Variants in CCDC122 observed in about 807,000 individuals in gnomAD.
The protein encoded by CCDC122 is coiled-coil domain-containing protein 122.
In CCDC122, 38 loss-of-function variants were observed where a neutral mutation model predicts 37.0. The observed-to-expected ratio is 1.03, with a 90% CI of 0.79 to 1.35. The LOEUF is 1.35. Ranked by LOEUF, CCDC122 falls within the 40% of genes most tolerant of loss-of-function variation. The pLI is 0.00. For synonymous variants in CCDC122, 83 were observed against 95.6 expected (o/e 0.87, Z 0.77); for missense variants, 305 against 310.0 (o/e 0.98, Z 0.12).
At chr13:43,847,277 G>A (rs1953574252) in intron 6 of CCDC122, among the ~76,000 whole-genome samples, 1 of 152,138 alleles carries the variant, frequency 6.6e-6, no homozygotes. Context: ...AGGGGTTTGT[G>A]TTTGTGTGTA....
rs1410516137 is a variant in CCDC122 at position 43,868,791 on chromosome 13, G to A, written c.59C>T (p.Thr20Ile). 2.7e-6 allele frequency: 4 copies of A among 1,505,396 alleles called. No individual in the cohort carries two copies. The highest frequency in any genetic ancestry group is 2.8e-5 in the African/African-American group (2 of 70,242). 93.3% of individuals were successfully genotyped at this position (1,505,396 alleles called of 1,614,324 possible). A position where few individuals can be genotyped will look rare whatever the true frequency, so the allele number is the denominator to read the frequency against. The change falls in exon 4 of 7, where the codon ACA (threonine) becomes ATA (isoleucine). Residue 20 changes from threonine to isoleucine, a missense_variant. By Grantham distance (89) the Thr-to-Ile change is moderately conservative (BLOSUM62 -1). Transcript: ENST00000444614. ...CTCTACAGCATCAGCTAATGAACTT[G>A]TGTCTTGGTTATCTACAATTAGACA... ...QGFPKEDNQD[T>I]SSLADAVEKV... is the part of the protein sequence containing the mutation.
At position 43,859,592 on chromosome 13, in the gene CCDC122, C is replaced by T. The variant is rs568261063; in HGVS notation, c.555+80G>A. The stretch of plus-strand genomic sequence containing the variant: ...AGCTATGGGCATTTTATTAACTTCA[C>T]AATAAATTTATCATTTAATGTATGT... On this transcript the variant is annotated intron_variant, in intron 5 of 6. Coordinates refer to ENST00000444614, the MANE Select transcript of CCDC122 (RefSeq NM_144974.5). 6.2e-6 allele frequency: 7 copies of T among 1,124,420 alleles called. 1 individual carries two copies. The East Asian group carries it at 1.3e-4, about 22-fold the overall frequency. The allele number at this position is 1,124,420 out of a possible 1,614,324, so 69.7% of individuals were successfully genotyped here. A position where few individuals can be genotyped will look rare whatever the true frequency, so the allele number is the denominator to read the frequency against.
At position 43,869,351 on chromosome 13, in the gene CCDC122, CTCTT is replaced by C; in HGVS notation, c.22_25del (p.Lys8ValfsTer15). 9 of 1,608,428 alleles carry C rather than the reference CTCTT, an allele frequency of 5.6e-6. No homozygotes were observed. Among genetic ancestry groups the C allele is most frequent in the Non-Finnish European group, 7.6e-6 (9 of 1,176,602 alleles). ...ATTACCTTCTTTAGGAAATCCTTGA[CTCTT>C]CCTTTCTTTGTTGTCTGACATTTTC... On this transcript the variant is annotated frameshift_variant, in exon 3 of 7. Coordinates refer to ENST00000444614, the MANE Select transcript of CCDC122 (RefSeq NM_144974.5). LOFTEE classifies it high-confidence loss of function.
At chr13:43,833,281 C>T (rs1953107737), downstream of CCDC122, among the ~76,000 whole-genome samples, 1 of 152,024 alleles carries the variant, frequency 6.6e-6, no homozygotes, top group African/African-American at 2.4e-5. Context: ...TTTTACTGAC[C>T]ATTTAGGTAA....
chr13:43,863,267 G>C (rs1389198183), intron 4 of CCDC122, among the ~76,000 whole-genome samples: 7 of 151,920 alleles, frequency 4.6e-5, no homozygotes, highest in Non-Finnish European at 1.0e-4. Flanking sequence ...TATATAAATA[G>C]AATCATTTAA....
At chr13:43,847,555 G>A (rs1237570982) in intron 6 of CCDC122, among the ~76,000 whole-genome samples, 1 of 152,106 alleles carries the variant, frequency 6.6e-6, no homozygotes, top group Non-Finnish European at 1.5e-5. Flanking sequence ...CTAAAACTTT[G>A]TAAGACATGT....
At chr13:43,858,185 G>A (rs1232720850) in intron 6 of CCDC122, 1 of 152,074 alleles carries the variant, frequency 6.6e-6, no homozygotes, top group Non-Finnish European at 1.5e-5. Flanking sequence ...CCAAATTAAT[G>A]TATTCAGGCA....
At chr13:43,879,140 G>C (rs1273579025) in intron 1 of CCDC122, 1 of 152,162 alleles carries the variant, frequency 6.6e-6, no homozygotes. Context: ...ATTAGCAGAA[G>C]GGAGACTGCG....
At chr13:43,876,048 G>C (rs1241885567) in intron 1 of CCDC122, among the ~76,000 whole-genome samples, 2 of 152,168 alleles carry the variant, frequency 1.3e-5, no homozygotes, top group Non-Finnish European at 2.9e-5. Context: ...AAGTCACTTA[G>C]CCCCTAGGCA....
chr13:43,821,312 CT>C (rs1952991084), downstream of CCDC122, among the ~76,000 whole-genome samples: 1 of 152,216 alleles, frequency 6.6e-6, no homozygotes, highest in African/African-American at 2.4e-5. Context: ...CAACCTCCAC[CT>C]CCCAAGTTTA....
intron 6 of CCDC122, 130 bp downstream of exon 6, chr13:43,858,651 T>C: frequency 1.6e-6 from 1 of 615,548 alleles, no homozygotes; most frequent in South Asian, 3.4e-5. Context: ...TTGTATTTAC[T>C]AAATTTTATA....
chr13:43,870,567 G>C (rs1256152191), intron 2 of CCDC122, among the ~76,000 whole-genome samples: 1 of 151,750 alleles, frequency 6.6e-6, no homozygotes, highest in African/African-American at 2.4e-5. Flanking sequence ...TACTTACTTT[G>C]TGCTAGTCAC....
chr13:43,819,341 C>G (rs1952979282), downstream of CCDC122, among the ~76,000 whole-genome samples: 1 of 152,146 alleles, frequency 6.6e-6, no homozygotes, highest in Admixed American at 6.5e-5. Context: ...TTCTAGGAGT[C>G]TATTCCAAAG....
chr13:43,855,561 T>C (rs1228172760), intron 6 of CCDC122: 1 of 152,130 alleles, frequency 6.6e-6, no homozygotes, highest in Non-Finnish European at 1.5e-5. Context: ...AAGCAATGTA[T>C]AGATTTGATG....
intron 3 of CCDC122, 96 bp from the exon 4 acceptor site, chr13:43,868,899 G>T: frequency 3.2e-6 from 2 of 624,584 alleles, no homozygotes. Context: ...TGAAATATTT[G>T]ATACTTTTTC....
intron 2 of CCDC122, among the ~76,000 whole-genome samples, chr13:43,873,043 A>G (rs1954497678): frequency 6.6e-6 from 1 of 152,132 alleles, no homozygotes. Context: ...GGCATCATTT[A>G]ACACATTTGA....
intron 6 of CCDC122, among the ~76,000 whole-genome samples, chr13:43,843,309 T>TC (rs1953418576): frequency 6.6e-6 from 1 of 152,030 alleles, no homozygotes; most frequent in Non-Finnish European, 1.5e-5. Flanking sequence ...AACTATGAAG[T>TC]TGGTTATATC....
At chr13:43,851,907 C>T (rs1176031264) in intron 6 of CCDC122, among the ~76,000 whole-genome samples, 1 of 151,832 alleles carries the variant, frequency 6.6e-6, no homozygotes, top group Non-Finnish European at 1.5e-5. Flanking sequence ...GATGAATCCA[C>T]CTAATATAAC....
intron 1 of CCDC122, among the ~76,000 whole-genome samples, chr13:43,876,367 C>T (rs1954611381): frequency 6.6e-6 from 1 of 152,322 alleles, no homozygotes; most frequent in South Asian, 2.1e-4. Context: ...AGAAGATTTA[C>T]ATAGCATTAT....
Sources: gnomAD v4.1 joint callset for allele counts (sites outside exome capture counted in the v4.1 genomes callset) on GRCh38, gnomAD v4.1.1 for gene constraint, MANE v1.5 for transcripts, NCBI Gene and HGNC (gene_info 2026-07-23, HGNC 2026-07-21) for gene names.